The following LRRTM4 variants were observed in gnomAD, a reference collection of about 807,000 sequenced individuals.
LRRTM4 encodes the protein leucine-rich repeat transmembrane neuronal protein 4.
In LRRTM4, 25 loss-of-function variants were observed where a neutral mutation model predicts 47.6. That is an observed-to-expected ratio of 0.53 (90% CI 0.38 to 0.73). The LOEUF is 0.73. Among genes scored for constraint, LRRTM4 ranks in the 30% least tolerant of loss-of-function variants. The probability of loss-of-function intolerance (pLI) is 0.00; values close to 1 mark genes in which losing one functional copy is unlikely to be tolerated. For missense variants in LRRTM4, 638 were observed against 713.4 expected, an observed-to-expected ratio of 0.89 and a Z score of 1.20; for synonymous variants, 311 against 269.5, an observed-to-expected ratio of 1.15 and a Z score of -1.51.
At chr2:76,837,554 T>C (rs935430461) in intron 3 of LRRTM4, among the ~76,000 whole-genome samples, 3 of 152,132 alleles carry the variant, frequency 2.0e-5, no homozygotes, top group Non-Finnish European at 4.4e-5. Context: ...GCTTTGAATG[T>C]GTCCCAGAGA....
intron 3 of LRRTM4, among the ~76,000 whole-genome samples, chr2:77,103,064 G>T (rs1670999403): frequency 6.6e-6 from 1 of 152,004 alleles, no homozygotes. Context: ...ACAAAGTTGG[G>T]CCCCAATATT....
chr2:76,797,634 A>C (rs1483437248), intron 3 of LRRTM4, among the ~76,000 whole-genome samples: 8 of 151,620 alleles, frequency 5.3e-5, no homozygotes, highest in African/African-American at 9.7e-5. Flanking sequence ...TTAAATGTAA[A>C]TGGACTAAAT....
intron 3 of LRRTM4, among the ~76,000 whole-genome samples, chr2:77,226,864 T>C (rs1051827431): frequency 2.0e-5 from 3 of 151,898 alleles, no homozygotes; most frequent in African/African-American, 4.8e-5. Context: ...AGGAAGAGGA[T>C]GGGTTTTAGA....
At chr2:77,048,792 T>C (rs1277265420) in intron 3 of LRRTM4, among the ~76,000 whole-genome samples, 2 of 151,964 alleles carry the variant, frequency 1.3e-5, no homozygotes, top group Non-Finnish European at 2.9e-5. Context: ...TCCATTCTTC[T>C]AGCTATTTCA....
chr2:77,129,834 A>G (rs1671748156), intron 3 of LRRTM4, among the ~76,000 whole-genome samples: 1 of 152,182 alleles, frequency 6.6e-6, no homozygotes, highest in Non-Finnish European at 1.5e-5. Flanking sequence ...ACTCTCTATC[A>G]CATAAGGTAT....
chr2:77,468,390 C>T (rs1033771773), intron 3 of LRRTM4, among the ~76,000 whole-genome samples: 73 of 152,144 alleles, frequency 4.8e-4, no homozygotes, highest in African/African-American at 1.7e-3. Flanking sequence ...TACACATTTC[C>T]TGTCTACAAG....
At chr2:76,802,066 C>G (rs757427248) in intron 3 of LRRTM4, among the ~76,000 whole-genome samples, 2 of 152,024 alleles carry the variant, frequency 1.3e-5, no homozygotes, top group Non-Finnish European at 2.9e-5. Context: ...AGGAACAAGA[C>G]AAGGATGCCC....
At chr2:76,801,014 C>T (rs957722215) in intron 3 of LRRTM4, among the ~76,000 whole-genome samples, 5 of 146,992 alleles carry the variant, frequency 3.4e-5, no homozygotes, top group Admixed American at 6.8e-5. Context: ...CAGGAAACAA[C>T]AGGTGCTGGA....
intron 3 of LRRTM4, among the ~76,000 whole-genome samples, chr2:76,857,128 C>A (rs1672176402): frequency 6.6e-6 from 1 of 151,430 alleles, no homozygotes; most frequent in Non-Finnish European, 1.5e-5. Flanking sequence ...ACAGCAATAC[C>A]AACCCCTCCT....
intron 3 of LRRTM4, among the ~76,000 whole-genome samples, chr2:76,765,913 TGTTA>T (rs1175328135): frequency 1.3e-5 from 2 of 152,188 alleles, no homozygotes; most frequent in Non-Finnish European, 1.5e-5. Context: ...GAGAAAGTAT[TGTTA>T]GTTCTTCTGC....
At chr2:76,915,689 A>G (rs1250776003) in intron 3 of LRRTM4, among the ~76,000 whole-genome samples, 1 of 152,240 alleles carries the variant, frequency 6.6e-6, no homozygotes, top group Non-Finnish European at 1.5e-5. Context: ...TTTCTAGGAC[A>G]TACTAGTTAA....
At chr2:77,340,436 T>C (rs1671332328) in intron 3 of LRRTM4, among the ~76,000 whole-genome samples, 1 of 152,028 alleles carries the variant, frequency 6.6e-6, no homozygotes, top group Non-Finnish European at 1.5e-5. Context: ...ATGAGTTTAA[T>C]ACACTACGTG....
intron 3 of LRRTM4, among the ~76,000 whole-genome samples, chr2:77,067,919 A>G (rs1173127694): frequency 2.0e-5 from 3 of 152,176 alleles, no homozygotes; most frequent in African/African-American, 4.8e-5. Context: ...GGAAAGTGAT[A>G]TATTTTCATG....
chr2:77,370,563 G>A (rs1409955782), intron 3 of LRRTM4, among the ~76,000 whole-genome samples: 1 of 151,554 alleles, frequency 6.6e-6, no homozygotes, highest in Non-Finnish European at 1.5e-5. Flanking sequence ...AAAAAATGAG[G>A]TTTGATTTGT....
intron 3 of LRRTM4, among the ~76,000 whole-genome samples, chr2:77,508,505 T>A (rs556448241): frequency 4.3e-4 from 66 of 152,282 alleles, no homozygotes; most frequent in Middle Eastern, 3.4e-3. Flanking sequence ...GCTGTACCAA[T>A]CACAAAGAAA....
intron 3 of LRRTM4, among the ~76,000 whole-genome samples, chr2:76,763,113 T>C (rs1673321363): frequency 6.6e-6 from 1 of 152,182 alleles, no homozygotes; most frequent in Admixed American, 6.5e-5. Context: ...CAAAAGATTT[T>C]GTGACACATT....
intron 3 of LRRTM4, among the ~76,000 whole-genome samples, chr2:77,172,630 G>A (rs1186632907): frequency 6.6e-6 from 1 of 151,886 alleles, no homozygotes. Context: ...AATAAATAAA[G>A]TGCTAAACTA....
At chr2:76,897,938 C>G (rs1673478872) in intron 3 of LRRTM4, among the ~76,000 whole-genome samples, 1 of 152,150 alleles carries the variant, frequency 6.6e-6, no homozygotes, top group Non-Finnish European at 1.5e-5. Flanking sequence ...GGAAGACAAT[C>G]TAAATAGGAA....
At chr2:77,325,842 C>T (rs994162193) in intron 3 of LRRTM4, among the ~76,000 whole-genome samples, 2 of 152,084 alleles carry the variant, frequency 1.3e-5, no homozygotes, top group Non-Finnish European at 2.9e-5. Flanking sequence ...ATTTTTAAAC[C>T]ATTCATAGTT....
Sources: allele counts gnomAD v4.1 joint callset (sites outside exome capture counted in the v4.1 genomes callset), GRCh38; gene constraint gnomAD v4.1.1; transcripts MANE v1.5; gene names NCBI Gene and HGNC (gene_info 2026-07-23, HGNC 2026-07-21).